Variants in IMMP2L observed in about 807,000 individuals in gnomAD.
The protein encoded by IMMP2L is mitochondrial inner membrane protease subunit 2.
In IMMP2L, 18 loss-of-function variants were observed where a neutral mutation model predicts 19.3. The ratio of observed to expected loss-of-function variants is 0.93; its 90% CI spans 0.64 to 1.38. The LOEUF (loss-of-function observed/expected upper bound fraction) is 1.38, where lower values mean the gene tolerates loss of function less well. Ranked by LOEUF, IMMP2L falls within the 40% of genes most tolerant of loss-of-function variation. The pLI, the probability that IMMP2L is intolerant of heterozygous loss-of-function variation, is 0.00. For synonymous variants in IMMP2L, 76 were observed against 73.0 expected, an observed-to-expected ratio of 1.04 and a Z score of -0.21; for missense variants, 233 against 218.2, an observed-to-expected ratio of 1.07 and a Z score of -0.43.
intron 3 of IMMP2L, among the ~76,000 whole-genome samples, chr7:111,183,321 T>C (rs1019660115): frequency 1.3e-5 from 2 of 152,142 alleles, no homozygotes; most frequent in Non-Finnish European, 2.9e-5. Flanking sequence ...ATTAGTCATA[T>C]ATTCAACTGT....
At chr7:111,220,336 A>C (rs541753473) in intron 3 of IMMP2L, among the ~76,000 whole-genome samples, 3 of 152,168 alleles carry the variant, frequency 2.0e-5, no homozygotes, top group East Asian at 1.9e-4. Context: ...TACCAGACAA[A>C]AAAATAAATC....
chr7:110,752,805 G>A (rs1797803831), intron 5 of IMMP2L, among the ~76,000 whole-genome samples: 1 of 151,910 alleles, frequency 6.6e-6, no homozygotes, highest in African/African-American at 2.4e-5. Context: ...ATGGTCAGCG[G>A]GAAATAGAAG....
chr7:111,261,886 A>T (rs907771773), intron 3 of IMMP2L, among the ~76,000 whole-genome samples: 1 of 152,140 alleles, frequency 6.6e-6, no homozygotes, highest in African/African-American at 2.4e-5. Context: ...ATATGATTTT[A>T]CCCTGAAGGT....
intron 5 of IMMP2L, among the ~76,000 whole-genome samples, chr7:110,787,468 TC>T (rs1210245411): frequency 5.3e-5 from 8 of 151,996 alleles, no homozygotes; most frequent in African/African-American, 1.9e-4. Context: ...CAAATAAGGA[TC>T]CACTTCAGAA....
chr7:110,922,277 C>G (rs566901678), intron 4 of IMMP2L, among the ~76,000 whole-genome samples: 7 of 152,246 alleles, frequency 4.6e-5, no homozygotes, highest in African/African-American at 1.7e-4. Context: ...ATGCATACAT[C>G]AGGCTTAAGT....
chr7:111,518,383 C>T (rs1305480742), intron 2 of IMMP2L, among the ~76,000 whole-genome samples: 1 of 152,032 alleles, frequency 6.6e-6, no homozygotes, highest in African/African-American at 2.4e-5. Context: ...GAGATTTAAT[C>T]TTTCGATCCT....
intron 3 of IMMP2L, among the ~76,000 whole-genome samples, chr7:111,416,427 A>G (rs1173667438): frequency 6.6e-6 from 1 of 151,916 alleles, no homozygotes; most frequent in Non-Finnish European, 1.5e-5. Flanking sequence ...ACAGAGATTT[A>G]GCCCAGATTT....
intron 5 of IMMP2L, among the ~76,000 whole-genome samples, chr7:110,685,487 G>A (rs10256509): frequency 0.51 from 76,733 of 151,938 alleles, 20,622 homozygotes; most frequent in African/African-American, 0.7. Flanking sequence ...TAATAACAAG[G>A]AATAAGGTGT....
At chr7:110,690,154 C>T (rs1219552613) in intron 5 of IMMP2L, among the ~76,000 whole-genome samples, 1 of 152,214 alleles carries the variant, frequency 6.6e-6, no homozygotes, top group Non-Finnish European at 1.5e-5. Context: ...TGCCACAATT[C>T]CTGTCCTATG....
intron 3 of IMMP2L, among the ~76,000 whole-genome samples, chr7:110,997,212 G>A (rs1276992455): frequency 1.3e-5 from 2 of 152,150 alleles, no homozygotes; most frequent in Non-Finnish European, 2.9e-5. Context: ...CCAGTTTGTT[G>A]CATATATCAA....
chr7:111,311,022 T>G (rs1159441855), intron 3 of IMMP2L, among the ~76,000 whole-genome samples: 9 of 152,182 alleles, frequency 5.9e-5, no homozygotes, highest in Non-Finnish European at 1.2e-4. Flanking sequence ...AGCGGTAATC[T>G]CTGACATTTC....
chr7:111,239,348 G>C (rs1467632256), intron 3 of IMMP2L, among the ~76,000 whole-genome samples: 1 of 151,796 alleles, frequency 6.6e-6, no homozygotes, highest in Non-Finnish European at 1.5e-5. Flanking sequence ...TTTCAACAAA[G>C]TCTATTCAAA....
At chr7:111,464,304 G>A (rs1041026243) in intron 3 of IMMP2L, among the ~76,000 whole-genome samples, 5 of 152,124 alleles carry the variant, frequency 3.3e-5, no homozygotes, top group Non-Finnish European at 2.9e-5. Context: ...CAATTACCTT[G>A]CCTCTGCAAA....
intron 3 of IMMP2L, among the ~76,000 whole-genome samples, chr7:111,192,965 C>A (rs961596796): frequency 2.0e-5 from 3 of 151,896 alleles, no homozygotes; most frequent in African/African-American, 7.3e-5. Flanking sequence ...TTGAGTTGGG[C>A]AATTGGGAAG....
chr7:110,858,673 T>C (rs1185764283), intron 5 of IMMP2L, among the ~76,000 whole-genome samples: 1 of 152,044 alleles, frequency 6.6e-6, no homozygotes, highest in African/African-American at 2.4e-5. Flanking sequence ...TACATATGTA[T>C]ACATGTGCCA....
chr7:110,842,995 C>G (rs1004558628), intron 5 of IMMP2L, among the ~76,000 whole-genome samples: 1 of 152,020 alleles, frequency 6.6e-6, no homozygotes, highest in African/African-American at 2.4e-5. Context: ...ACTAAATTAG[C>G]TATATCGAAT....
intron 3 of IMMP2L, among the ~76,000 whole-genome samples, chr7:111,253,748 T>C (rs923090453): frequency 6.6e-5 from 10 of 152,100 alleles, no homozygotes; most frequent in African/African-American, 2.2e-4. Context: ...GACTGCCACA[T>C]AGAACTTGAT....
At chr7:111,221,952 T>C (rs1029433083) in intron 3 of IMMP2L, among the ~76,000 whole-genome samples, 1 of 151,976 alleles carries the variant, frequency 6.6e-6, no homozygotes, top group Non-Finnish European at 1.5e-5. Context: ...AGCATGGACA[T>C]GAAATATCAA....
chr7:110,958,219 T>A (rs1340719116), intron 4 of IMMP2L, among the ~76,000 whole-genome samples: 1 of 152,038 alleles, frequency 6.6e-6, no homozygotes, highest in Non-Finnish European at 1.5e-5. Context: ...GATAAGAGTA[T>A]AAACGTACAC....
Sources: gnomAD v4.1 joint callset for allele counts (sites outside exome capture counted in the v4.1 genomes callset) on GRCh38, gnomAD v4.1.1 for gene constraint, MANE v1.5 for transcripts, NCBI Gene and HGNC (gene_info 2026-07-23, HGNC 2026-07-21) for gene names.